FAM120B: variants seen among roughly 807,000 people sequenced by gnomAD.
FAM120B encodes family with sequence similarity 120 member B, also known as constitutive coactivator of peroxisome proliferator-activated receptor gamma.
A neutral mutation model predicts 96.3 loss-of-function variants in FAM120B; 83 were observed. That is an observed-to-expected ratio of 0.86 (90% CI 0.72 to 1.03). The LOEUF is 1.03. FAM120B is among the 50% of genes least tolerant of loss of function. The probability of loss-of-function intolerance (pLI) is 0.00; values close to 1 mark genes in which losing one functional copy is unlikely to be tolerated. For missense variants in FAM120B, 1,027 were observed against 1,121.2 expected (o/e 0.92, Z 1.20); for synonymous variants, 407 against 402.7 (o/e 1.01, Z -0.13).
chr6:170,337,841 A>G (rs1786542899), intron 4 of FAM120B, among the ~76,000 whole-genome samples: 1 of 151,802 alleles, frequency 6.6e-6, no homozygotes, highest in Admixed American at 6.6e-5. Flanking sequence ...GTATTCTCTG[A>G]TGGTAGTTTG....
intron 1 of FAM120B, among the ~76,000 whole-genome samples, chr6:170,296,280 TG>T (rs1277726653): frequency 6.6e-6 from 1 of 152,052 alleles, no homozygotes; most frequent in Non-Finnish European, 1.5e-5. Flanking sequence ...TTCAGTGCGA[TG>T]ATTGCCGGAC....
chr6:170,345,420 A>G (rs1562550105), intron 4 of FAM120B, among the ~76,000 whole-genome samples: 1 of 152,212 alleles, frequency 6.6e-6, no homozygotes, highest in South Asian at 2.1e-4. Context: ...CCTGGGCAAC[A>G]TAGCAAGACA....
Position 170,318,158 on chromosome 6 carries a change from C to G in FAM120B, c.768C>G (p.Asn256Lys). 6.2e-7 allele frequency: 1 copy of G among 1,614,028 alleles called. No homozygotes were observed. The part of the protein sequence containing the change: ...CLSSYTSVKE[N>K]FDKKGNIILA... The stretch of plus-strand genomic sequence containing the variant: ...CGTCCTACACCTCTGTAAAAGAGAA[C>G]TTTGACAAAAAAGGTAACATCATAT... The change falls in exon 2 of 11, where the codon AAC (asparagine) becomes AAG (lysine). Residue 256 changes from asparagine to lysine, a missense_variant. Asn to Lys is a moderately conservative substitution (Grantham distance 94). Around this residue, in one of 3 missense-constraint regions of FAM120B, gnomAD observed 880 missense variants for 980.9 expected, o/e 0.90. Transcript: ENST00000476287.
chr6:170,358,334 GTT>G lies in FAM120B; in HGVS notation c.2283+17_2283+18del, dbSNP rs1788109950. ...AAATCTACAGGTACAGACGTGACCA[GTT>G]AGTTGTCACTGCCCGGAAGACAGCT... On this transcript the variant is annotated intron_variant, in intron 6 of 10. Coordinates refer to ENST00000476287, the MANE Select transcript of FAM120B (RefSeq NM_032448.3). 6.4e-7 allele frequency: 1 copy of G among 1,566,234 alleles called. No individual in the cohort carries two copies. Among genetic ancestry groups the G allele is most frequent in the Admixed American group, 1.7e-5 (1 of 58,382 alleles).
intron 4 of FAM120B, among the ~76,000 whole-genome samples, chr6:170,339,649 C>T (rs187793254): frequency 3.2e-4 from 48 of 151,968 alleles, no homozygotes; most frequent in East Asian, 5.8e-4. Flanking sequence ...CATTGTGGCA[C>T]GCACCTGTAA....
At chr6:170,367,647 G>C (rs1788887588) in intron 6 of FAM120B, among the ~76,000 whole-genome samples, 1 of 152,242 alleles carries the variant, frequency 6.6e-6, no homozygotes, top group South Asian at 2.1e-4. Context: ...AGCCAGGTCT[G>C]CACGCACACA....
intron 6 of FAM120B, among the ~76,000 whole-genome samples, chr6:170,365,891 C>A (rs1310114305): frequency 6.6e-6 from 1 of 152,158 alleles, no homozygotes; most frequent in African/African-American, 2.4e-5. Context: ...ATCCGCCTGC[C>A]ATCACCATCG....
At chr6:170,368,824 G>GGGGGGT (rs1788982498) in intron 6 of FAM120B, among the ~76,000 whole-genome samples, 2 of 112,700 alleles carry the variant, frequency 1.8e-5, no homozygotes, top group South Asian at 5.9e-4. Flanking sequence ...CGGGGCTGGG[G>GGGGGGT]GGGGGGCTCC....
chr6:170,317,893 T>G lies in FAM120B; in HGVS notation c.503T>G (p.Leu168Arg). ...GATTATGAGGTAGCTTCCTATGGCC[T>G]CCAGCATAACTGTCTTGGGATTCTG... is the stretch of plus-strand genomic sequence containing the variant. ...EADYEVASYG[L>R]QHNCLGILGE... Residue 168 changes from leucine (L) to arginine (R), a missense_variant, in exon 2 of 11, where the codon CTC becomes CGC. This residue lies in a region of FAM120B where 880 missense variants were observed against 980.9 expected (regional missense o/e 0.90). Transcript: ENST00000476287. 4 of 1,614,236 alleles carry G rather than the reference T, an allele frequency of 2.5e-6. No homozygotes were observed. Among genetic ancestry groups the G allele is most frequent in the Non-Finnish European group, 1.7e-6 (2 of 1,180,038 alleles).
chr6:170,404,725 G>A (rs920496764), intron 10 of FAM120B, 38 bp from the exon 11 acceptor site: 3 of 746,946 alleles, frequency 4.0e-6, no homozygotes, highest in Non-Finnish European at 6.7e-6. Flanking sequence ...ACCTGGTGCC[G>A]AGTTAACTTG....
At position 170,318,432 on chromosome 6, in the gene FAM120B, G is replaced by A; in HGVS notation, c.1042G>A (p.Glu348Lys). 1.2e-6 allele frequency: 2 copies of A among 1,614,248 alleles called. No individual in the cohort carries two copies. The highest frequency in any genetic ancestry group is 1.1e-5 in the South Asian group (1 of 91,088). ...REEVPMCSDA[E>K]SRQEVPMCTG... ...AGAAGTTCCCATGTGTTCAGATGCTGAATCCAGGCAAGAAGTTCCCATGTG... is the reference window on the plus strand; with the variant it reads ...AGAAGTTCCCATGTGTTCAGATGCTAAATCCAGGCAAGAAGTTCCCATGTG... Residue 348 changes from glutamate (E) to lysine (K), a missense_variant, in exon 2 of 11, where the codon GAA (glutamate) becomes AAA (lysine). Physicochemically the swap from Glu to Lys is moderately conservative, Grantham distance 56. Coordinates refer to ENST00000476287, the MANE Select transcript of FAM120B (RefSeq NM_032448.3).
chr6:170,398,901 G>A (rs28427077), intron 9 of FAM120B, among the ~76,000 whole-genome samples: 18 of 138,600 alleles, frequency 1.3e-4, no homozygotes, highest in South Asian at 4.7e-4. Context: ...GAGTGAGTGG[G>A]AAAGGTAGAA....
At chr6:170,341,909 G>A (rs772516796) in intron 4 of FAM120B, among the ~76,000 whole-genome samples, 38 of 152,218 alleles carry the variant, frequency 2.5e-4, no homozygotes, top group Admixed American at 1.2e-3. Flanking sequence ...CTGCAGACCA[G>A]AGCTGTTCTT....
At chr6:170,302,795 G>A (rs1784169541), upstream of FAM120B, among the ~76,000 whole-genome samples, 1 of 152,186 alleles carries the variant, frequency 6.6e-6, no homozygotes, top group African/African-American at 2.4e-5. Context: ...ACAGGGAAGT[G>A]CTTGCCTGAG....
chr6:170,295,212 G>A (rs752706626), upstream of FAM120B: 4 of 526,996 alleles, frequency 7.6e-6, no homozygotes, highest in Non-Finnish European at 1.0e-5. This position sits in a 1 kb window ranked among gnomAD's most constrained non-coding sequence, Gnocchi z 7.8. Context: ...ACTTCTTAAA[G>A]CTGTCTTTGG....
At chr6:170,296,160 C>T (rs1199828513) in intron 1 of FAM120B, among the ~76,000 whole-genome samples, 2 of 152,134 alleles carry the variant, frequency 1.3e-5, no homozygotes, top group East Asian at 3.9e-4. Flanking sequence ...GTGCGAACCC[C>T]GGAGCTGCCC....
intron 9 of FAM120B, among the ~76,000 whole-genome samples, chr6:170,399,616 G>C (rs1778427326): frequency 6.8e-6 from 1 of 147,974 alleles, no homozygotes. Flanking sequence ...GTAGAACTAT[G>C]TCATAAGCCT....
chr6:170,393,754 G>A (rs1790590564), intron 8 of FAM120B, among the ~76,000 whole-genome samples: 1 of 152,222 alleles, frequency 6.6e-6, no homozygotes, highest in Admixed American at 6.5e-5. Flanking sequence ...AACTTAGACT[G>A]AAGCCTCCAC....
chr6:170,374,331 A>T (rs1022614), intron 6 of FAM120B, among the ~76,000 whole-genome samples: 49 of 152,192 alleles, frequency 3.2e-4, no homozygotes, highest in Admixed American at 5.2e-4. Context: ...GGGAGCATGG[A>T]AAGTTTGGTT....
Sources: gnomAD v4.1 joint callset for allele counts (sites outside exome capture counted in the v4.1 genomes callset) on GRCh38, gnomAD v4.1.1 for gene constraint, gnomAD v4.1.1 regional missense constraint, Gnocchi (gnomAD v3.1) non-coding constraint, MANE v1.5 for transcripts, NCBI Gene and HGNC (gene_info 2026-07-23, HGNC 2026-07-21) for gene names.